WASF3: variants seen among roughly 807,000 people sequenced by gnomAD.
WASF3 encodes the protein WASP family member 3.
In WASF3, 11 loss-of-function variants were observed where a neutral mutation model predicts 46.6. That is an observed-to-expected ratio of 0.24 (90% CI 0.15 to 0.39). The LOEUF is 0.39. Ranked by LOEUF, WASF3 falls within the 10% of genes least tolerant of loss-of-function variation. The pLI is 1.00. For missense variants in WASF3, 576 were observed against 669.8 expected (o/e 0.86, Z 1.55); for synonymous variants, 242 against 259.7 (o/e 0.93, Z 0.65).
intron 1 of WASF3, among the ~76,000 whole-genome samples, chr13:26,559,480 G>T (rs1377630116): frequency 6.6e-6 from 1 of 152,172 alleles, no homozygotes; most frequent in Non-Finnish European, 1.5e-5. Flanking sequence ...AAACAAAGGT[G>T]GAACACACTT....
intron 1 of WASF3, among the ~76,000 whole-genome samples, chr13:26,564,352 C>T (rs376464876): frequency 2.6e-5 from 4 of 152,194 alleles, no homozygotes; most frequent in East Asian, 1.9e-4. Context: ...ATATAGAGAC[C>T]TTCATTTAGG....
At chr13:26,656,595 C>A (rs1882473233) in intron 3 of WASF3, among the ~76,000 whole-genome samples, 1 of 151,708 alleles carries the variant, frequency 6.6e-6, no homozygotes, top group African/African-American at 2.4e-5. Context: ...TGGTAATAAA[C>A]CTTCCCAATA....
At chr13:26,651,411 C>T (rs575396440) in intron 3 of WASF3, among the ~76,000 whole-genome samples, 2 of 152,196 alleles carry the variant, frequency 1.3e-5, no homozygotes, top group South Asian at 4.2e-4. Flanking sequence ...GAAAAATATA[C>T]ATCATGTAAA....
At chr13:26,549,064 C>A in the WASF3 span, among the ~76,000 whole-genome samples, 1 of 151,620 alleles carries the variant, frequency 6.6e-6, no homozygotes, top group Non-Finnish European at 1.5e-5. Flanking sequence ...TCACTGCAAC[C>A]TCCGACTCCC....
At chr13:26,566,144 C>T (rs1015363609) in intron 1 of WASF3, among the ~76,000 whole-genome samples, 3 of 152,146 alleles carry the variant, frequency 2.0e-5, no homozygotes, top group African/African-American at 7.2e-5. Context: ...CAATATTGCC[C>T]TGCATTTTAA....
intron 4 of WASF3, among the ~76,000 whole-genome samples, chr13:26,665,649 C>T (rs1257352458): frequency 6.6e-6 from 1 of 152,092 alleles, no homozygotes; most frequent in South Asian, 2.1e-4. Flanking sequence ...TAGCATTTAC[C>T]GAAAGCCTTT....
the WASF3 span, among the ~76,000 whole-genome samples, chr13:26,551,899 T>G: frequency 6.6e-6 from 1 of 152,114 alleles, no homozygotes; most frequent in Non-Finnish European, 1.5e-5. Context: ...AAATTGCTCA[T>G]AAAATAGCGT....
In WASF3 at chr13:26,686,672, T is replaced by C. The variant is rs936465961; in HGVS notation, c.*827T>C. 9 of 152,464 alleles carry C rather than the reference T, an allele frequency of 5.9e-5. No homozygotes were observed. Among genetic ancestry groups the C allele is most frequent in the African/African-American group, 2.2e-4 (9 of 41,570 alleles). 9.4% of individuals were successfully genotyped at this position (152,464 alleles called of 1,614,324 possible). ...AGCCGGCCAGAACAGATGCGAGCAG[T>C]CCATGACTCTGGGAGCTACACCGCT... On this transcript the variant is annotated 3_prime_UTR_variant, in exon 10 of 10. Transcript: ENST00000335327.
chr13:26,627,061 A>G (rs1426021376), intron 2 of WASF3, among the ~76,000 whole-genome samples: 1 of 152,198 alleles, frequency 6.6e-6, no homozygotes, highest in Non-Finnish European at 1.5e-5. Flanking sequence ...GAAATTCTTT[A>G]ATCATTTGGC....
the WASF3 span, among the ~76,000 whole-genome samples, chr13:26,549,912 G>T: frequency 5.3e-5 from 8 of 152,136 alleles, no homozygotes; most frequent in African/African-American, 1.4e-4. Context: ...AAAAGCCCGG[G>T]TGGCTTATAT....
upstream of WASF3, among the ~76,000 whole-genome samples, chr13:26,556,022 C>T (rs1279318320): frequency 6.6e-6 from 1 of 152,156 alleles, no homozygotes; most frequent in African/African-American, 2.4e-5. Flanking sequence ...ATCATATTTA[C>T]CACATGCTCA....
intron 1 of WASF3, among the ~76,000 whole-genome samples, chr13:26,602,766 TGTC>T (rs1302686320): frequency 6.6e-6 from 1 of 152,242 alleles, no homozygotes; most frequent in Non-Finnish European, 1.5e-5. Context: ...ATTTAAAAAT[TGTC>T]ATGGTAATAA....
chr13:26,640,434 C>G (rs1881962018), intron 2 of WASF3: 1 of 149,528 alleles, frequency 6.7e-6, no homozygotes, highest in African/African-American at 2.5e-5. Context: ...GACAGTCTCA[C>G]TCTGTCACCC....
In WASF3 at chr13:26,676,941, C is replaced by T. The variant is rs574735972; in HGVS notation, c.716+217C>T. Among the ~76,000 whole-genome samples the T allele has an allele frequency of 2.6e-5, 4 of 152,302 alleles. No homozygotes were observed. The South Asian group carries it at 8.3e-4, about 32-fold the overall frequency. On this transcript the variant is annotated intron_variant, in intron 7 of 9. Transcript: ENST00000335327. ...GGGTTCCTTTGATTTTAGAAAATCT[C>T]TCTGACTTAAAATGTATTGTTGAGT... is the stretch of plus-strand genomic sequence containing the variant.
upstream of WASF3, among the ~76,000 whole-genome samples, chr13:26,555,013 T>C (rs571207191): frequency 3.9e-4 from 60 of 152,364 alleles, no homozygotes; most frequent in South Asian, 7.2e-3. Flanking sequence ...TGGATGGGCA[T>C]TCCTGTTGTT....
chr13:26,682,913 A>G lies in WASF3; in HGVS notation c.1290A>G (p.Gln430=), dbSNP rs1234800407. Residue 430 remains glutamine (Q), a synonymous_variant, in exon 9 of 10, where the codon CAA becomes CAG. Coordinates refer to ENST00000335327, the MANE Select transcript of WASF3 (RefSeq NM_006646.6). The surrounding 1 kb of genome is among the most constrained non-coding windows in gnomAD (Gnocchi z 4.4). ...CCCCAGTAGCTGAGGCGAAGCGGCA[A>G]GAGCCTGCACAGCCACCAATCAGTG... ...HGPPVAEAKR[Q]EPAQPPISDA... The G allele has an allele frequency of 2.5e-6, 4 of 1,610,744 alleles. No homozygotes were observed. Among genetic ancestry groups the G allele is most frequent in the Non-Finnish European group, 3.4e-6 (4 of 1,180,000 alleles).
At chr13:26,631,533 C>G (rs1304309367) in intron 2 of WASF3, among the ~76,000 whole-genome samples, 2 of 152,062 alleles carry the variant, frequency 1.3e-5, no homozygotes, top group African/African-American at 2.4e-5. Flanking sequence ...TGGTCTATAT[C>G]TCTGTTTTGG....
At chr13:26,563,208 C>T (rs1879354520) in intron 1 of WASF3, among the ~76,000 whole-genome samples, 1 of 152,010 alleles carries the variant, frequency 6.6e-6, no homozygotes, top group African/African-American at 2.4e-5. Flanking sequence ...TCCTATCCGC[C>T]TATCTTCATA....
chr13:26,676,696 T>C lies in WASF3; in HGVS notation c.688T>C (p.Ser230Pro). ...LSQSVYHGAS[S>P]EGSLSPDTRS... ...TCAGAGTGTGTACCATGGAGCGTCT[T>C]CCGAGGGATCCCTGTCCCCAGATAC... The change falls in exon 7 of 10, where the codon TCC becomes CCC. Residue 230 changes from serine to proline, a missense_variant. Around this residue, in one of 3 missense-constraint regions of WASF3, gnomAD observed 295 missense variants for 291.5 expected, o/e 1.01. Transcript: ENST00000335327. The C allele has an allele frequency of 1.2e-5, 20 of 1,614,110 alleles. No individual in the cohort carries two copies. The highest frequency in any genetic ancestry group is 1.7e-5 in the Non-Finnish European group (20 of 1,179,978).
Sources: gnomAD v4.1 joint callset for allele counts (sites outside exome capture counted in the v4.1 genomes callset) on GRCh38, gnomAD v4.1.1 for gene constraint, gnomAD v4.1.1 regional missense constraint, Gnocchi (gnomAD v3.1) non-coding constraint, MANE v1.5 for transcripts, NCBI Gene and HGNC (gene_info 2026-07-23, HGNC 2026-07-21) for gene names.